Variants in TAF12 observed in about 807,000 individuals in gnomAD.
TAF12 encodes the protein TATA-box binding protein associated factor 12, also known as transcription initiation factor TFIID subunit 12.
In TAF12, 3 loss-of-function variants were observed where a neutral mutation model predicts 20.8. The observed-to-expected ratio is 0.14, with a 90% CI of 0.07 to 0.37. The LOEUF is 0.37. TAF12 is among the 10% of genes least tolerant of loss of function. The probability of loss-of-function intolerance (pLI) is 1.00; values close to 1 mark genes in which losing one functional copy is unlikely to be tolerated. For synonymous variants in TAF12, 69 were observed against 70.2 expected (o/e 0.98, Z 0.09); for missense variants, 131 against 197.9 (o/e 0.66, Z 2.03).
At chr1:28,647,476 C>T (rs1668225103), upstream of TAF12, among the ~76,000 whole-genome samples, 1 of 151,908 alleles carries the variant, frequency 6.6e-6, no homozygotes, top group South Asian at 2.1e-4. Flanking sequence ...GGGGTAGGGA[C>T]GAGGTCTCTA....
At chr1:28,605,145 C>T (rs533072195) in intron 5 of TAF12, among the ~76,000 whole-genome samples, 22 of 152,226 alleles carry the variant, frequency 1.4e-4, no homozygotes, top group Non-Finnish European at 2.4e-4. Flanking sequence ...AACAGAGTTA[C>T]GAGAAAAAAC....
chr1:28,646,397 C>G (rs1668185041), upstream of TAF12: 1 of 152,204 alleles, frequency 6.6e-6, no homozygotes, highest in Admixed American at 6.5e-5. Context: ...AATGTAAGAG[C>G]TGTTTATTTA....
At chr1:28,607,391 G>A (rs1276956313) in intron 4 of TAF12, among the ~76,000 whole-genome samples, 2 of 151,816 alleles carry the variant, frequency 1.3e-5, no homozygotes, top group African/African-American at 4.8e-5. Flanking sequence ...TATTAGCTGG[G>A]CGGGAGTGGT....
intron 4 of TAF12, among the ~76,000 whole-genome samples, chr1:28,612,559 A>AATATATACAT (rs1284667772): frequency 4.9e-5 from 7 of 143,140 alleles, no homozygotes. Context: ...TACACACATA[A>AATATATACAT]ATATATACAT....
intron 4 of TAF12, among the ~76,000 whole-genome samples, chr1:28,609,026 C>T (rs1432774480): frequency 3.3e-5 from 5 of 152,110 alleles, no homozygotes; most frequent in Non-Finnish European, 7.4e-5. Flanking sequence ...TATGTAACTA[C>T]GTATACCTAT....
intron 1 of TAF12, among the ~76,000 whole-genome samples, chr1:28,624,324 G>A (rs954544492): frequency 2.0e-5 from 3 of 152,140 alleles, no homozygotes; most frequent in Non-Finnish European, 4.4e-5. Context: ...TGTGGGATAT[G>A]AGCCTGCAGG....
intron 1 of TAF12, chr1:28,648,127 G>C: frequency 1.0e-6 from 1 of 982,448 alleles, no homozygotes. Flanking sequence ...CTCCAAGGTG[G>C]TGGCTAGGGG....
At chr1:28,633,951 C>T (rs35876891) in intron 1 of TAF12, among the ~76,000 whole-genome samples, 3 of 140,256 alleles carry the variant, frequency 2.1e-5, no homozygotes, top group Admixed American at 7.1e-5. Context: ...GGTGTGGTGG[C>T]GCGTGCCTGT....
At chr1:28,642,570 C>T (rs1668073697) in intron 1 of TAF12, 1 of 913,460 alleles carries the variant, frequency 1.1e-6, no homozygotes, top group African/African-American at 1.8e-5. Context: ...CTTCGCTGCC[C>T]CGTTTCTGAA....
intron 5 of TAF12, among the ~76,000 whole-genome samples, chr1:28,605,051 A>C (rs1666618069): frequency 6.6e-6 from 1 of 152,174 alleles, no homozygotes; most frequent in Non-Finnish European, 1.5e-5. Flanking sequence ...GCAACAATGA[A>C]GGAAGATTTC....
chr1:28,646,483 A>T (rs946456337), upstream of TAF12: 6 of 152,288 alleles, frequency 3.9e-5, no homozygotes, highest in African/African-American at 1.2e-4. Context: ...TAAAGAAAGT[A>T]AAATACCTAA....
chr1:28,645,067 G>T (rs964372664), upstream of TAF12, among the ~76,000 whole-genome samples: 3 of 150,136 alleles, frequency 2.0e-5, no homozygotes, highest in Non-Finnish European at 4.4e-5. Context: ...ACGGAGTCTC[G>T]CTGTTTCACC....
At chr1:28,605,799 T>C (rs1452308085) in intron 4 of TAF12, among the ~76,000 whole-genome samples, 1 of 152,150 alleles carries the variant, frequency 6.6e-6, no homozygotes, top group Admixed American at 6.5e-5. Context: ...CTAATATTTC[T>C]TATTTCTTAT....
intron 1 of TAF12, among the ~76,000 whole-genome samples, chr1:28,634,920 A>C (rs1667764422): frequency 7.7e-6 from 1 of 130,440 alleles, no homozygotes; most frequent in South Asian, 2.4e-4. Flanking sequence ...CAAGAGCAAA[A>C]CTCCATCTAA....
chr1:28,624,746 C>CA (rs34670084), intron 1 of TAF12, among the ~76,000 whole-genome samples: 30,631 of 147,776 alleles, frequency 0.21, 3,763 homozygotes, highest in Middle Eastern at 0.32. Flanking sequence ...GACTCTGTCT[C>CA]AAAAAAAAAT....
At chr1:28,642,838 C>G in intron 1 of TAF12, 154 bp downstream of exon 1, 2 of 985,356 alleles carry the variant, frequency 2.0e-6, no homozygotes, top group South Asian at 9.4e-5. Flanking sequence ...TTCTCCGAGC[C>G]TGATCCTCTC....
At chr1:28,607,531 G>A (rs1298389372) in intron 4 of TAF12, among the ~76,000 whole-genome samples, 1 of 152,082 alleles carries the variant, frequency 6.6e-6, no homozygotes, top group East Asian at 1.9e-4. Flanking sequence ...AATTAGTCAG[G>A]CATGGTGGCA....
upstream of TAF12, chr1:28,643,117 G>C: frequency 2.0e-6 from 2 of 985,934 alleles, no homozygotes; most frequent in Non-Finnish European, 2.4e-6. Flanking sequence ...CTCCAACCCG[G>C]AAACGCGCGG....
intron 3 of TAF12, among the ~76,000 whole-genome samples, chr1:28,614,751 T>C (rs901382910): frequency 6.6e-5 from 10 of 151,830 alleles, no homozygotes; most frequent in Non-Finnish European, 1.5e-4. Context: ...TTGAGTTCTT[T>C]CCACATCACT....
Sources: gnomAD v4.1 joint callset for allele counts (sites outside exome capture counted in the v4.1 genomes callset) on GRCh38, gnomAD v4.1.1 for gene constraint, MANE v1.5 for transcripts, NCBI Gene and HGNC (gene_info 2026-07-23, HGNC 2026-07-21) for gene names.